SCIN: variants seen among roughly 807,000 people sequenced by gnomAD.
SCIN encodes the protein scinderin.
Under a neutral mutation model 91.8 loss-of-function variants are expected in SCIN, and 91 were observed. The observed-to-expected ratio is 0.99, with a 90% CI of 0.84 to 1.18. The LOEUF (loss-of-function observed/expected upper bound fraction) is 1.18, where lower values mean the gene tolerates loss of function less well. Ranked by LOEUF, SCIN falls within the 50% of genes most tolerant of loss-of-function variation. SCIN has a pLI of 0.00. For missense variants in SCIN, 1,087 were observed against 863.9 expected (o/e 1.26, Z -3.24); for synonymous variants, 367 against 312.6 (o/e 1.17, Z -1.84).
rs1260759061 is a variant in SCIN at position 12,570,727 on chromosome 7, C to G, written c.-60C>G. ...GGCGAATAAGGTTCCTCCTGCTGCT[C>G]TCGGTTTAGTCCAAGATCAGCGATA... On this transcript the variant is annotated 5_prime_UTR_variant, in exon 1 of 16. Coordinates refer to ENST00000297029, the MANE Select transcript of SCIN (RefSeq NM_001112706.3). The G allele has an allele frequency of 6.5e-7, 1 of 1,529,286 alleles. No homozygotes were observed. The highest frequency in any genetic ancestry group is 1.2e-5 in the South Asian group (1 of 82,870). The allele number at this position is 1,529,286 out of a possible 1,614,324, so 94.7% of individuals were successfully genotyped here.
At chr7:12,637,419 T>TGAGGGAGGAAGTGGTGGA (rs1488712844) in intron 10 of SCIN, among the ~76,000 whole-genome samples, 1 of 151,054 alleles carries the variant, frequency 6.6e-6, no homozygotes, top group Non-Finnish European at 1.5e-5. Flanking sequence ...CACCCAAAAG[T>TGAGGGAGGAAGTGGTGGA]GAGGGAGGAA....
In SCIN at chr7:12,644,553, T is replaced by C. The variant is rs762038632; in HGVS notation, c.1760-31T>C. On this transcript the variant is annotated intron_variant, in intron 12 of 15. Transcript: ENST00000297029. ...GACAGCAAGCATATGTCCCTGAAAATGCACTGGATAACTGAGTGTGTTTTC... is the reference window on the plus strand; with the variant it reads ...GACAGCAAGCATATGTCCCTGAAAACGCACTGGATAACTGAGTGTGTTTTC... The C allele has an allele frequency of 1.9e-5, 30 of 1,607,534 alleles. No homozygotes were observed. The South Asian group carries it at 3.1e-4, about 17-fold the overall frequency.
At chr7:12,625,677 T>G (rs1562622354) in intron 6 of SCIN, 85 bp from the exon 7 acceptor site, 1 of 996,208 alleles carries the variant, frequency 1.0e-6, no homozygotes, top group East Asian at 2.5e-5. Flanking sequence ...TATAATCATG[T>G]TTATTATGGT....
At chr7:12,601,485 C>T (rs1782956907) in intron 3 of SCIN, among the ~76,000 whole-genome samples, 1 of 152,198 alleles carries the variant, frequency 6.6e-6, no homozygotes, top group Non-Finnish European at 1.5e-5. Flanking sequence ...CACAACTCTA[C>T]ATGGTTGACT....
At chr7:12,629,913 G>A (rs1783607582) in intron 9 of SCIN, among the ~76,000 whole-genome samples, 1 of 152,008 alleles carries the variant, frequency 6.6e-6, no homozygotes, top group African/African-American at 2.4e-5. Context: ...TTTTTATTAA[G>A]TGAAATCAGG....
Position 12,644,626 on chromosome 7 carries a change from C to T in SCIN, c.1802C>T (p.Thr601Ile). Residue 601 changes from threonine (T) to isoleucine (I), a missense_variant, in exon 13 of 16, where the codon ACC becomes ATC. By Grantham distance (89) the Thr-to-Ile change is moderately conservative. Coordinates refer to ENST00000297029, the MANE Select transcript of SCIN (RefSeq NM_001112706.3). ...CTTGGAGGGAAAAAAGACTACCAGA[C>T]CTCACCACTACTGGAAACCCAGGCT... ...NSLGGKKDYQTSPLLETQAED... is the reference protein window; with the variant it reads ...NSLGGKKDYQISPLLETQAED... 1 of 1,607,500 alleles carries T rather than the reference C, an allele frequency of 6.2e-7. No individual in the cohort carries two copies. The highest frequency in any genetic ancestry group is 8.5e-7 in the Non-Finnish European group (1 of 1,176,944).
intron 1 of SCIN, among the ~76,000 whole-genome samples, chr7:12,576,553 C>T (rs1356871573): frequency 6.6e-6 from 1 of 152,132 alleles, no homozygotes; most frequent in Non-Finnish European, 1.5e-5. Flanking sequence ...AGCTTCTAAG[C>T]TTTTATGCAT....
At chr7:12,616,753 A>G (rs1783307145) in intron 4 of SCIN, among the ~76,000 whole-genome samples, 1 of 152,162 alleles carries the variant, frequency 6.6e-6, no homozygotes, top group Admixed American at 6.6e-5. Context: ...AATATGATGG[A>G]AACACAGAGG....
intron 9 of SCIN, among the ~76,000 whole-genome samples, chr7:12,634,333 A>C (rs1472443148): frequency 6.6e-6 from 1 of 152,036 alleles, no homozygotes; most frequent in Non-Finnish European, 1.5e-5. Context: ...TAAAAATACA[A>C]AATTAGCCGG....
intron 4 of SCIN, 80 bp from the exon 5 acceptor site, chr7:12,622,721 C>A (rs1783433579): frequency 2.1e-6 from 2 of 952,128 alleles, no homozygotes; most frequent in East Asian, 2.4e-5. Context: ...TAATCCATGT[C>A]TTTATAAGTG....
rs13224841 is a variant in SCIN, at chr7:12,658,005, C to G, written c.*5290C>G. 6.6e-6 allele frequency: 1 copy of G among 151,998 alleles called. No homozygotes were observed. Among genetic ancestry groups the G allele is most frequent in the Non-Finnish European group, 1.5e-5 (1 of 67,994 alleles). The allele number at this position is 151,998 out of a possible 1,614,324, so 9.4% of individuals were successfully genotyped here. The stretch of plus-strand genomic sequence containing the variant: ...TGATGTTATTATAATAAAAATGACA[C>G]CTTTACTAAAAATGTCTCATCATAA... On this transcript the variant is annotated 3_prime_UTR_variant, in exon 16 of 16. Transcript: ENST00000297029.
intron 14 of SCIN, among the ~76,000 whole-genome samples, chr7:12,650,868 A>G (rs1784065008): frequency 6.6e-6 from 1 of 151,602 alleles, no homozygotes; most frequent in Admixed American, 6.6e-5. Context: ...TCCTAGAGGG[A>G]GTCTGGGATC....
chr7:12,621,642 T>G (rs1181138540), intron 4 of SCIN, among the ~76,000 whole-genome samples: 1 of 149,574 alleles, frequency 6.7e-6, no homozygotes, highest in African/African-American at 2.4e-5. Context: ...TTTTAGTTTT[T>G]TTTTTTTTTT....
rs549094173 is a variant in SCIN, at chr7:12,651,864, T to A, written c.1983T>A (p.Asp661Glu). ...AGATATTTATTTGGATTGGCAAAGATGCTAATGAAGTTGAGAAAAAAGAAT... is the reference window on the plus strand; with the variant it reads ...AGATATTTATTTGGATTGGCAAAGAAGCTAATGAAGTTGAGAAAAAAGAAT... ...WEQIFIWIGK[D>E]ANEVEKKESL... Residue 661 changes from aspartate (D) to glutamate (E), a missense_variant, in exon 15 of 16, where the codon GAT becomes GAA. Asp to Glu is a conservative substitution (Grantham distance 45). Transcript: ENST00000297029. This position sits in a 1 kb window ranked among gnomAD's most constrained non-coding sequence, Gnocchi z 5.9. 9 of 1,600,852 alleles carry A rather than the reference T, an allele frequency of 5.6e-6. No homozygotes were observed. The South Asian group carries it at 1.0e-4, about 18-fold the overall frequency.
Position 12,654,587 on chromosome 7 carries a change from G to A in SCIN, c.*1872G>A, listed in dbSNP as rs1427922086. The A allele has an allele frequency of 6.6e-6, 1 of 152,064 alleles. No individual in the cohort carries two copies. The highest frequency in any genetic ancestry group is 1.5e-5 in the Non-Finnish European group (1 of 67,996). 9.4% of individuals were successfully genotyped at this position (152,064 alleles called of 1,614,324 possible). On this transcript the variant is annotated 3_prime_UTR_variant, in exon 16 of 16. Transcript: ENST00000297029. ...GGGTCAAGCTGAATATTTTTTGAAG[G>A]ATGATGAGAATAAAATGATTTAATA...
intron 3 of SCIN, among the ~76,000 whole-genome samples, chr7:12,599,720 G>C (rs1424097416): frequency 2.6e-5 from 4 of 151,988 alleles, no homozygotes; most frequent in African/African-American, 9.7e-5. Flanking sequence ...ATTCTTGCAG[G>C]AGTGAGGTGG....
intron 9 of SCIN, among the ~76,000 whole-genome samples, chr7:12,635,302 C>A (rs921928423): frequency 2.6e-5 from 4 of 151,258 alleles, no homozygotes; most frequent in African/African-American, 7.3e-5. Context: ...TTCATGCTCA[C>A]CAAATATTCA....
chr7:12,625,031 A>G lies in SCIN; in HGVS notation c.781A>G (p.Met261Val), dbSNP rs1220552690. The G allele has an allele frequency of 1.9e-6, 3 of 1,567,950 alleles. No individual in the cohort carries two copies. Among genetic ancestry groups the G allele is most frequent in the South Asian group, 1.2e-5 (1 of 85,280 alleles). ...LYMVSDASGS[M>V]RVTVVAEENP... ...TTAGGTTTCAGATGCAAGTGGCTCC[A>G]TGAGAGTGACTGTGGTGGCAGAAGA... The change falls in exon 6 of 16, where the codon ATG becomes GTG. Residue 261 changes from methionine to valine, a missense_variant. By Grantham distance (21) the Met-to-Val change is conservative (BLOSUM62 1). Coordinates refer to ENST00000297029, the MANE Select transcript of SCIN (RefSeq NM_001112706.3).
chr7:12,575,884 T>C (rs1472284252), intron 1 of SCIN, among the ~76,000 whole-genome samples: 1 of 152,180 alleles, frequency 6.6e-6, no homozygotes, highest in African/African-American at 2.4e-5. Context: ...ATCCAAAGGC[T>C]GACATTGGCT....
Sources: allele counts gnomAD v4.1 joint callset (sites outside exome capture counted in the v4.1 genomes callset), GRCh38; gene constraint gnomAD v4.1.1; non-coding constraint Gnocchi (gnomAD v3.1); transcripts MANE v1.5; gene names NCBI Gene and HGNC (gene_info 2026-07-23, HGNC 2026-07-21).